ECPAS: variants seen among roughly 807,000 people sequenced by gnomAD.
ECPAS encodes the protein Ecm29 proteasome adaptor and scaffold, also known as proteasome adapter and scaffold protein ECM29.
A neutral mutation model predicts 255.1 loss-of-function variants in ECPAS; 70 were observed. That is an observed-to-expected ratio of 0.27 (90% CI 0.23 to 0.33). The LOEUF is 0.33. Among genes scored for constraint, ECPAS ranks in the 10% least tolerant of loss-of-function variants. The probability of loss-of-function intolerance (pLI) is 1.00; values close to 1 mark genes in which losing one functional copy is unlikely to be tolerated. For missense variants in ECPAS, 1,817 were observed against 2,206.4 expected, an observed-to-expected ratio of 0.82 and a Z score of 3.54; for synonymous variants, 784 against 775.0, an observed-to-expected ratio of 1.01 and a Z score of -0.19.
At chr9:111,457,672 G>A (rs1490700784) in intron 2 of ECPAS, among the ~76,000 whole-genome samples, 1 of 152,184 alleles carries the variant, frequency 6.6e-6, no homozygotes, top group Non-Finnish European at 1.5e-5. Context: ...GTAGGAAAAG[G>A]CTTGCCCCAG....
chr9:111,405,442 C>T (rs1176108718), intron 24 of ECPAS, among the ~76,000 whole-genome samples: 1 of 149,566 alleles, frequency 6.7e-6, no homozygotes, highest in Non-Finnish European at 1.5e-5. Flanking sequence ...AATTACAAGA[C>T]TACTATAAAA....
At chr9:111,403,948 A>G (rs189740327) in intron 24 of ECPAS, among the ~76,000 whole-genome samples, 1 of 150,180 alleles carries the variant, frequency 6.7e-6, no homozygotes, top group Admixed American at 6.6e-5. Context: ...GAAATCAGTA[A>G]TAAGTAGAAC....
chr9:111,458,318 A>G (rs994504542), intron 2 of ECPAS, among the ~76,000 whole-genome samples: 1 of 152,236 alleles, frequency 6.6e-6, no homozygotes, highest in Non-Finnish European at 1.5e-5. Context: ...ATATAATGTT[A>G]TATACGGCTA....
chr9:111,411,220 G>A (rs1384546425), intron 21 of ECPAS, 78 bp from the exon 22 acceptor site: 37 of 1,398,256 alleles, frequency 2.6e-5, no homozygotes, highest in Middle Eastern at 1.8e-4. Flanking sequence ...ACTGTGTGTC[G>A]ATTAGGATCA....
intron 2 of ECPAS, among the ~76,000 whole-genome samples, chr9:111,461,230 C>T (rs1471128683): frequency 6.6e-6 from 1 of 151,310 alleles, no homozygotes; most frequent in Non-Finnish European, 1.5e-5. Context: ...GAGGGCAAGG[C>T]AGGCTGATTG....
intron 1 of ECPAS, among the ~76,000 whole-genome samples, 151 bp from the exon 2 acceptor site, chr9:111,473,151 T>A (rs1334380290): frequency 6.6e-6 from 1 of 152,144 alleles, no homozygotes; most frequent in African/African-American, 2.4e-5. Flanking sequence ...ATAATGACTA[T>A]CAAATTTGAG....
intron 8 of ECPAS, 102 bp from the exon 9 acceptor site, chr9:111,430,730 T>C (rs1415857876): frequency 1.1e-5 from 8 of 730,490 alleles, no homozygotes; most frequent in South Asian, 9.8e-5. Flanking sequence ...AAGAAAATGT[T>C]AGAAACACAC....
chr9:111,410,397 T>C (rs578231693), intron 22 of ECPAS, among the ~76,000 whole-genome samples, 184 bp from the exon 23 acceptor site: 6 of 152,090 alleles, frequency 3.9e-5, no homozygotes, highest in Middle Eastern at 6.8e-3. Context: ...GGGGATAGAG[T>C]AGTATTTTTT....
intron 19 of ECPAS, 119 bp from the exon 20 acceptor site, chr9:111,414,105 A>T: frequency 2.3e-6 from 1 of 442,414 alleles, no homozygotes; most frequent in Non-Finnish European, 3.7e-6. Context: ...GGTTCTATTA[A>T]AAAAAAAAAA....
At chr9:111,409,179 T>G (rs2098190001) in intron 23 of ECPAS, among the ~76,000 whole-genome samples, 1 of 152,204 alleles carries the variant, frequency 6.6e-6, no homozygotes, top group African/African-American at 2.4e-5. Context: ...TTAACAATGT[T>G]TGGCAATGAT....
At position 111,411,156 on chromosome 9, in the gene ECPAS, A is replaced by G; in HGVS notation, c.2215-14T>C. On this transcript the variant is annotated splice_polypyrimidine_tract_variant and intron_variant, in intron 21 of 49. Coordinates refer to ENST00000684092, the MANE Select transcript of ECPAS (RefSeq NM_001364929.1). ...TATCTCCGGGCTCTGAATTTAGCAA[A>G]AACAATAGCATATCTCTGGCTCTCT... 6.2e-7 allele frequency: 1 copy of G among 1,612,962 alleles called. No individual in the cohort carries two copies. Among genetic ancestry groups the G allele is most frequent in the Middle Eastern group, 1.7e-4 (1 of 6,048 alleles).
intron 46 of ECPAS, among the ~76,000 whole-genome samples, chr9:111,367,810 G>A (rs1210448222): frequency 6.6e-6 from 1 of 152,088 alleles, no homozygotes; most frequent in African/African-American, 2.4e-5. Flanking sequence ...TTGAGAGGGA[G>A]GCCAAAGTGG....
At chr9:111,368,955 A>T in intron 46 of ECPAS, 80 bp downstream of exon 46, 1 of 1,301,616 alleles carries the variant, frequency 7.7e-7, no homozygotes, top group Non-Finnish European at 1.0e-6. Flanking sequence ...CAATAACTAT[A>T]ATTTGTCATA....
At chr9:111,414,078 T>G in intron 19 of ECPAS, 92 bp from the exon 20 acceptor site, 1 of 756,424 alleles carries the variant, frequency 1.3e-6, no homozygotes, top group Non-Finnish European at 2.1e-6. Flanking sequence ...GGCCACTGCT[T>G]TAGCACACAT....
chr9:111,427,588 T>C (rs1334001274), intron 10 of ECPAS, among the ~76,000 whole-genome samples: 2 of 152,246 alleles, frequency 1.3e-5, no homozygotes, highest in Non-Finnish European at 2.9e-5. Flanking sequence ...TATGTGTACA[T>C]ACATAAAGAG....
Position 111,412,019 on chromosome 9 carries a change from T to C in ECPAS, c.2209A>G (p.Asn737Asp), listed in dbSNP as rs764961763. The change falls in exon 21 of 50, where the codon AAT (asparagine) becomes GAT (aspartate). Residue 737 changes from asparagine (N) to aspartate (D), a missense_variant. Around this residue, in one of 4 missense-constraint regions of ECPAS, gnomAD observed 194 missense variants for 152.8 expected, o/e 1.27. Transcript: ENST00000684092. ...ATGAAAACAAAATAACATACGTGAT[T>C]GTCTTTTGTAGTCTTTATAAGCTGT... ...IEQLIKTTKD[N>D]HSPEIQHGSL... 6.4e-7 allele frequency: 1 copy of C among 1,552,208 alleles called. No individual in the cohort carries two copies. The highest frequency in any genetic ancestry group is 1.2e-5 in the South Asian group (1 of 80,822).
rs781709728 is a variant in ECPAS, at chr9:111,369,043, T to A, written c.5105A>T (p.Glu1702Val). 2.5e-6 allele frequency: 4 copies of A among 1,585,936 alleles called. No homozygotes were observed. The highest frequency in any genetic ancestry group is 3.4e-6 in the Non-Finnish European group (4 of 1,170,490). ...CAGTTTCTGGTGCTTACGTTGGGTC[T>A]CCGCGTTTCGCGGCCAGGCTTTGCC... ...SLGKAWPRNA[E>V]TQRCYRQELC... Residue 1702 changes from glutamate (E) to valine (V), a missense_variant, in exon 46 of 50, where the codon GAG becomes GTG. Transcript: ENST00000684092.
At position 111,385,432 on chromosome 9, in the gene ECPAS, A is replaced by C; in HGVS notation, c.3538T>G (p.Leu1180Val). Residue 1180 changes from leucine (L) to valine (V), a missense_variant, in exon 33 of 50, where the codon TTG becomes GTG. By Grantham distance (32) the Leu-to-Val change is conservative. Coordinates refer to ENST00000684092, the MANE Select transcript of ECPAS (RefSeq NM_001364929.1). ...WRVRESSCLA[L>V]NDLLRGRPLD... ...GGTCTTCCTCTCAATAAATCATTCA[A>C]AGCTAAACAGCTGAAAATCAAAATT... 1 of 1,549,308 alleles carries C rather than the reference A, an allele frequency of 6.5e-7. No homozygotes were observed. The highest frequency in any genetic ancestry group is 1.2e-5 in the South Asian group (1 of 82,634).
In ECPAS at chr9:111,376,549, A is replaced by C; in HGVS notation, c.3955-8T>G. ...AGCACTATCCATCGCAGCCTAAAGA[A>C]GAGAAATTAAAGTCACCCGGCACAT... is the stretch of plus-strand genomic sequence containing the variant. On this transcript the variant is annotated splice_polypyrimidine_tract_variant and splice_region_variant and intron_variant, in intron 36 of 49. Transcript: ENST00000684092. The C allele has an allele frequency of 6.3e-7, 1 of 1,588,560 alleles. No individual in the cohort carries two copies. Among genetic ancestry groups the C allele is most frequent in the South Asian group, 1.2e-5 (1 of 86,656 alleles).
Sources: gnomAD v4.1 joint callset for allele counts (sites outside exome capture counted in the v4.1 genomes callset) on GRCh38, gnomAD v4.1.1 for gene constraint, gnomAD v4.1.1 regional missense constraint, MANE v1.5 for transcripts, NCBI Gene and HGNC (gene_info 2026-07-23, HGNC 2026-07-21) for gene names.